ROBO1: variants seen among roughly 807,000 people sequenced by gnomAD.
ROBO1 encodes the protein roundabout guidance receptor 1.
Under a neutral mutation model 195.9 loss-of-function variants are expected in ROBO1, and 149 were observed. The ratio of observed to expected loss-of-function variants is 0.76; its 90% CI spans 0.67 to 0.87. The LOEUF (loss-of-function observed/expected upper bound fraction) is 0.87, where lower values mean the gene tolerates loss of function less well. Among genes scored for constraint, ROBO1 ranks in the 40% least tolerant of loss-of-function variants. ROBO1 has a pLI of 0.00. For missense variants in ROBO1, 1,933 were observed against 2,068.3 expected (o/e 0.93, Z 1.27); for synonymous variants, 816 against 733.2 (o/e 1.11, Z -1.82).
chr3:79,319,502 A>G (rs1158476807), intron 2 of ROBO1, among the ~76,000 whole-genome samples: 1 of 152,166 alleles, frequency 6.6e-6, no homozygotes, highest in Non-Finnish European at 1.5e-5. Context: ...AGTCCATTTA[A>G]TAAGATTCTT....
intron 4 of ROBO1, among the ~76,000 whole-genome samples, chr3:78,818,868 G>A (rs2030494871): frequency 1.3e-5 from 2 of 152,176 alleles, no homozygotes; most frequent in Admixed American, 1.3e-4. Flanking sequence ...TGTGAAAATA[G>A]GTGAGTGACA....
At chr3:78,629,483 G>A (rs1361745598) in intron 25 of ROBO1, among the ~76,000 whole-genome samples, 2 of 152,066 alleles carry the variant, frequency 1.3e-5, no homozygotes, top group Non-Finnish European at 2.9e-5. Flanking sequence ...CTTGAGATCA[G>A]GAGTTCGAGA....
At chr3:79,489,904 TATA>T (rs1188536410) in intron 2 of ROBO1, among the ~76,000 whole-genome samples, 1 of 152,126 alleles carries the variant, frequency 6.6e-6, no homozygotes, top group Non-Finnish European at 1.5e-5. Context: ...GAAGATTTCA[TATA>T]ATATGTATTT....
intron 2 of ROBO1, among the ~76,000 whole-genome samples, chr3:79,266,350 A>G (rs2029943238): frequency 6.6e-6 from 1 of 151,666 alleles, no homozygotes; most frequent in South Asian, 2.1e-4. Flanking sequence ...AAGTAATGCC[A>G]ATTAAAATCC....
chr3:78,983,766 T>C (rs867219064), intron 3 of ROBO1, among the ~76,000 whole-genome samples: 2 of 152,098 alleles, frequency 1.3e-5, no homozygotes, highest in Non-Finnish European at 2.9e-5. Flanking sequence ...AATACAAATA[T>C]TTGAGTACTT....
intron 1 of ROBO1, among the ~76,000 whole-genome samples, chr3:79,741,117 G>A (rs1243961167): frequency 6.6e-6 from 1 of 152,186 alleles, no homozygotes; most frequent in African/African-American, 2.4e-5. Context: ...GTGCTTAGGG[G>A]CTTGCTCTGT....
intron 4 of ROBO1, among the ~76,000 whole-genome samples, chr3:78,843,202 C>A (rs331158): frequency 0.32 from 48,109 of 151,746 alleles, 7,814 homozygotes; most frequent in Non-Finnish European, 0.36. Flanking sequence ...TACTGAATAT[C>A]CTTTTTAAAA....
Position 79,242,213 on chromosome 3 carries a change from G to A in ROBO1, c.89-116674C>T, listed in dbSNP as rs141505992. Among the ~76,000 whole-genome samples the A allele has an allele frequency of 9.0e-3, 1,359 of 151,400 alleles. 20 individuals are homozygous for A. The highest frequency in any genetic ancestry group is 0.031 in the African/African-American group (1,283 of 41,268). ...GAGAAATAAGATAAAAGGAGCCTGT[G>A]TCTCTGACCCCATAAAAGCACATTA... is the stretch of plus-strand genomic sequence containing the variant. On this transcript the variant is annotated intron_variant, in intron 2 of 30. Transcript: ENST00000464233.
At chr3:79,634,508 A>G (rs1945439383) in intron 1 of ROBO1, among the ~76,000 whole-genome samples, 1 of 152,156 alleles carries the variant, frequency 6.6e-6, no homozygotes, top group Non-Finnish European at 1.5e-5. Flanking sequence ...AATACAGTAA[A>G]TTTTCTTATA....
At chr3:79,582,807 A>G (rs2107793831) in intron 2 of ROBO1, among the ~76,000 whole-genome samples, 1 of 152,068 alleles carries the variant, frequency 6.6e-6, no homozygotes, top group Non-Finnish European at 1.5e-5. Flanking sequence ...ACTTTCTACC[A>G]ACCAAATAAG....
intron 2 of ROBO1, among the ~76,000 whole-genome samples, chr3:79,267,056 A>G (rs1405777060): frequency 6.6e-6 from 1 of 151,430 alleles, no homozygotes; most frequent in African/African-American, 2.4e-5. Flanking sequence ...GCTATTCTAT[A>G]TGGCAGCCAC....
intron 4 of ROBO1, among the ~76,000 whole-genome samples, chr3:78,768,255 G>A (rs1468576568): frequency 6.6e-6 from 1 of 151,720 alleles, no homozygotes; most frequent in East Asian, 1.9e-4. Context: ...GGGGGGTGGG[G>A]TGGAGTCGAT....
At chr3:78,819,112 GT>G (rs1294007312) in intron 4 of ROBO1, among the ~76,000 whole-genome samples, 4 of 152,030 alleles carry the variant, frequency 2.6e-5, no homozygotes, top group African/African-American at 4.8e-5. Context: ...ACAGTGTTTG[GT>G]TTTTGTTGTT....
intron 1 of ROBO1, among the ~76,000 whole-genome samples, chr3:79,728,629 A>G (rs1576291046): frequency 6.6e-6 from 1 of 152,118 alleles, no homozygotes; most frequent in African/African-American, 2.4e-5. Flanking sequence ...CATGACTACA[A>G]TTTTTTTGGT....
At chr3:79,764,884 G>C (rs1357416693) in intron 1 of ROBO1, among the ~76,000 whole-genome samples, 2 of 152,154 alleles carry the variant, frequency 1.3e-5, no homozygotes, top group Non-Finnish European at 2.9e-5. Flanking sequence ...GTGCAGTATA[G>C]GGTAAGAGAA....
chr3:79,488,762 A>C (rs1939291809), intron 2 of ROBO1, among the ~76,000 whole-genome samples: 1 of 152,312 alleles, frequency 6.6e-6, no homozygotes, highest in African/African-American at 2.4e-5. Context: ...TTAGGAAAAA[A>C]GCAAATACTA....
intron 5 of ROBO1, among the ~76,000 whole-genome samples, chr3:78,728,368 A>G (rs2082212818): frequency 6.6e-6 from 1 of 152,180 alleles, no homozygotes; most frequent in African/African-American, 2.4e-5. Context: ...ATAACACAAA[A>G]TGACAGCACT....
chr3:79,703,691 A>T (rs60792541), intron 1 of ROBO1, among the ~76,000 whole-genome samples: 47,494 of 151,834 alleles, frequency 0.31, 9,120 homozygotes, highest in African/African-American at 0.55. Flanking sequence ...TAAACTATGT[A>T]TTCTTTGATA....
At chr3:78,757,372 G>T (rs900947971) in intron 4 of ROBO1, among the ~76,000 whole-genome samples, 4 of 151,950 alleles carry the variant, frequency 2.6e-5, no homozygotes, top group Non-Finnish European at 4.4e-5. Context: ...TTAAGTGCCT[G>T]AAAAAGACTA....
Sources: gnomAD v4.1 joint callset for allele counts (sites outside exome capture counted in the v4.1 genomes callset) on GRCh38, gnomAD v4.1.1 for gene constraint, MANE v1.5 for transcripts, NCBI Gene and HGNC (gene_info 2026-07-23, HGNC 2026-07-21) for gene names.